AVEN: variants seen among roughly 807,000 people sequenced by gnomAD.
AVEN encodes the protein apoptosis and caspase activation inhibitor.
AVEN carries 41 observed loss-of-function variants against 38.1 expected under a neutral mutation model. The observed-to-expected ratio is 1.08, with a 90% CI of 0.84 to 1.40. The LOEUF is 1.40. Ranked by LOEUF, AVEN falls within the 40% of genes most tolerant of loss-of-function variation. The pLI is 0.00. For missense variants in AVEN, 605 were observed against 438.8 expected (o/e 1.38, Z -3.38); for synonymous variants, 206 against 171.8 (o/e 1.20, Z -1.56).
intron 3 of AVEN, chr15:34,066,409 A>G (rs1207982143): frequency 6.6e-6 from 1 of 152,288 alleles, no homozygotes; most frequent in East Asian, 1.9e-4. Flanking sequence ...TAATTTAAAC[A>G]AAAGAACACA....
At chr15:33,945,256 A>G (rs2153054747) in intron 2 of AVEN, among the ~76,000 whole-genome samples, 1 of 152,312 alleles carries the variant, frequency 6.6e-6, no homozygotes, top group East Asian at 1.9e-4. Context: ...ATGGCTGGTT[A>G]TGTCACCACA....
intron 11 of AVEN, among the ~76,000 whole-genome samples, chr15:33,859,284 C>G (rs1341782862): frequency 6.6e-6 from 1 of 152,222 alleles, no homozygotes; most frequent in Non-Finnish European, 1.5e-5. Flanking sequence ...TGGCATAGGC[C>G]ATACTCATCA....
chr15:33,932,552 C>T (rs557835783), intron 2 of AVEN, among the ~76,000 whole-genome samples: 18 of 152,226 alleles, frequency 1.2e-4, no homozygotes, highest in African/African-American at 2.4e-4. Flanking sequence ...CTGGGCTGGG[C>T]GCGGTGGCTC....
intron 11 of AVEN, among the ~76,000 whole-genome samples, chr15:33,859,322 CACCTTTAA>C (rs1034589626): frequency 1.3e-5 from 2 of 152,246 alleles, no homozygotes; most frequent in African/African-American, 4.8e-5. Flanking sequence ...AACTTATATA[CACCTTTAA>C]TGGGCCTAAA....
intron 2 of AVEN, among the ~76,000 whole-genome samples, chr15:33,892,368 G>GGT (rs1567399689): frequency 7.2e-5 from 11 of 152,166 alleles, no homozygotes; most frequent in Non-Finnish European, 1.6e-4. Flanking sequence ...AGGTCTAACA[G>GGT]TTAAGTCTTT....
At chr15:33,873,633 TCAA>T (rs1429829401) in intron 3 of AVEN, among the ~76,000 whole-genome samples, 1 of 150,484 alleles carries the variant, frequency 6.6e-6, no homozygotes, top group Non-Finnish European at 1.5e-5. Flanking sequence ...TTCTCTTACA[TCAA>T]CAAGGAAGAA....
At position 33,917,530 on chromosome 15, in the gene AVEN, T is replaced by C. The variant is rs558222235; in HGVS notation, c.446-41535A>G. Among the ~76,000 whole-genome samples the C allele has an allele frequency of 1.2e-3, 152 of 125,246 alleles. No individual in the cohort carries two copies. The Middle Eastern group carries it at 0.026, about 21-fold the overall frequency. 82.2% of individuals were successfully genotyped at this position (125,246 alleles called of 152,430 possible). ...AATAATTCACACACATACGTGTATA[T>C]ATATATATATATCAATCACACATGT... On this transcript the variant is annotated intron_variant, in intron 2 of 5. Coordinates refer to ENST00000306730, the MANE Select transcript of AVEN (RefSeq NM_020371.3).
intron 1 of AVEN, chr15:34,007,037 T>C (rs1897385510): frequency 1.0e-6 from 1 of 981,846 alleles, no homozygotes; most frequent in African/African-American, 1.7e-5. Flanking sequence ...TTCACTGTAA[T>C]AGTTCATACC....
At chr15:34,047,555 A>C (rs1190595285) in intron 5 of AVEN, among the ~76,000 whole-genome samples, 1 of 152,152 alleles carries the variant, frequency 6.6e-6, no homozygotes, top group African/African-American at 2.4e-5. Context: ...CAGCCAGCCA[A>C]CAGTAAAAGC....
At chr15:33,981,836 T>G (rs1234564864) in intron 2 of AVEN, among the ~76,000 whole-genome samples, 7 of 151,972 alleles carry the variant, frequency 4.6e-5, no homozygotes, top group African/African-American at 1.7e-4. Flanking sequence ...ATAAACAAGT[T>G]TTGTTTTTTT....
At chr15:33,853,508 T>G in the AVEN span, 2 of 1,595,564 alleles carry the variant, frequency 1.3e-6, no homozygotes, top group Non-Finnish European at 1.7e-6. Context: ...AGAAAATATT[T>G]GGTGGTGGCG....
At chr15:33,968,005 C>T (rs1197226272) in intron 2 of AVEN, among the ~76,000 whole-genome samples, 1 of 143,368 alleles carries the variant, frequency 7.0e-6, no homozygotes, top group Admixed American at 7.3e-5. Context: ...CTCTTTCTAT[C>T]TCAAAGACTT....
intron 1 of AVEN, chr15:34,007,120 T>C (rs1056216866): frequency 1.1e-6 from 1 of 909,182 alleles, no homozygotes; most frequent in Non-Finnish European, 1.3e-6. Context: ...TGAAGACCTA[T>C]TATATAATCA....
chr15:33,940,383 G>A lies in AVEN; in HGVS notation c.445+62649C>T, dbSNP rs1894266103. 3.3e-5 allele frequency among the ~76,000 whole-genome samples: 5 copies of A among 152,248 alleles called. No homozygotes were observed. In the South Asian group the frequency reaches 1.0e-3, roughly 32 times the overall value. On this transcript the variant is annotated intron_variant, in intron 2 of 5. Coordinates refer to ENST00000306730, the MANE Select transcript of AVEN (RefSeq NM_020371.3). Reference sequence around the variant, plus strand: ...CAACCTTTCAGCTCTTCCCTAAGTTGTGAAGTGCAAATACAATATTATGAA... The same window carrying A: ...CAACCTTTCAGCTCTTCCCTAAGTTATGAAGTGCAAATACAATATTATGAA...
At chr15:33,881,023 T>C (rs935528019) in intron 2 of AVEN, among the ~76,000 whole-genome samples, 1 of 151,790 alleles carries the variant, frequency 6.6e-6, no homozygotes, top group African/African-American at 2.4e-5. Flanking sequence ...CTTCAAAATA[T>C]AACACAATTT....
At chr15:34,055,783 G>A (rs771733936) in intron 5 of AVEN, among the ~76,000 whole-genome samples, 3 of 151,790 alleles carry the variant, frequency 2.0e-5, no homozygotes, top group Non-Finnish European at 2.9e-5. Context: ...CCTGGGCGAC[G>A]GAGCAAGACT....
chr15:33,916,495 A>G (rs1440709631), intron 2 of AVEN, among the ~76,000 whole-genome samples: 1 of 152,208 alleles, frequency 6.6e-6, no homozygotes, highest in South Asian at 2.1e-4. Flanking sequence ...AGCAGGAAAA[A>G]AAACAAAGAA....
chr15:33,930,521 CTAAA>C (rs1327798058), intron 2 of AVEN, among the ~76,000 whole-genome samples: 1 of 152,092 alleles, frequency 6.6e-6, no homozygotes, highest in Non-Finnish European at 1.5e-5. Flanking sequence ...AGACATGGAG[CTAAA>C]TAATCTCTCT....
At chr15:33,859,715 G>A in intron 11 of AVEN, 1 of 1,609,904 alleles carries the variant, frequency 6.2e-7, no homozygotes, top group South Asian at 1.1e-5. Flanking sequence ...TTGTCATCTT[G>A]CTGGCCATCA....
Sources: gnomAD v4.1 joint callset for allele counts (sites outside exome capture counted in the v4.1 genomes callset) on GRCh38, gnomAD v4.1.1 for gene constraint, MANE v1.5 for transcripts, NCBI Gene and HGNC (gene_info 2026-07-23, HGNC 2026-07-21) for gene names.